LRRC43: variants seen among roughly 807,000 people sequenced by gnomAD.
The protein encoded by LRRC43 is leucine-rich repeat-containing protein 43.
In LRRC43, 62 loss-of-function variants were observed where a neutral mutation model predicts 64.3. The ratio of observed to expected loss-of-function variants is 0.96; its 90% confidence interval spans 0.79 to 1.19. LRRC43 has a LOEUF of 1.19. LRRC43 is among the 50% of genes most tolerant of loss of function. LRRC43 has a pLI of 0.00. For missense variants in LRRC43, 868 were observed against 845.0 expected (o/e 1.03, Z -0.34); for synonymous variants, 422 against 382.3 (o/e 1.10, Z -1.21).
At position 122,184,749 on chromosome 12, in the gene LRRC43, C is replaced by T. The variant is rs1468702677; in HGVS notation, c.381C>T (p.Tyr127=). The T allele has an allele frequency of 2.5e-6, 4 of 1,609,750 alleles. No individual in the cohort carries two copies. The highest frequency in any genetic ancestry group is 3.4e-6 in the Non-Finnish European group (4 of 1,178,048). ...TCACAGACACCTTCTTCTACTCCTA[C>T]TTCCGGTCCCTGCGGGTAATAGACA... ...LTITDTFFYS[Y]FRSLRVIDKK... is the part of the protein sequence containing the mutation. The change falls in exon 2 of 12, where the codon TAC becomes TAT. Residue 127 remains tyrosine, a synonymous_variant. Coordinates refer to ENST00000339777, the MANE Select transcript of LRRC43 (RefSeq NM_001098519.2). The surrounding 1 kb of genome is among the most constrained non-coding windows in gnomAD (Gnocchi z 4.0).
intron 4 of LRRC43, among the ~76,000 whole-genome samples, chr12:122,189,900 G>C (rs977219967): frequency 6.6e-6 from 1 of 152,250 alleles, no homozygotes; most frequent in Admixed American, 6.5e-5. Flanking sequence ...GTCGGTGGGG[G>C]CGTCTCTGTG....
At chr12:122,179,857 G>A (rs1953567023), upstream of LRRC43, among the ~76,000 whole-genome samples, 1 of 151,684 alleles carries the variant, frequency 6.6e-6, no homozygotes, top group South Asian at 2.1e-4. Context: ...TGTAGTCCCA[G>A]CTACTCAGGA....
At chr12:122,182,369 C>G (rs1953589084), upstream of LRRC43, among the ~76,000 whole-genome samples, 1 of 151,970 alleles carries the variant, frequency 6.6e-6, no homozygotes, top group Non-Finnish European at 1.5e-5. Context: ...ACTAAAAATA[C>G]ACATTAGCGG....
At chr12:122,181,051 A>G (rs1037157570), upstream of LRRC43, among the ~76,000 whole-genome samples, 8 of 151,336 alleles carry the variant, frequency 5.3e-5, no homozygotes, top group Non-Finnish European at 7.4e-5. Flanking sequence ...CCCCATCTGT[A>G]CTAAAAATAC....
In LRRC43 at chr12:122,200,312, G is replaced by A. The variant is rs77299939; in HGVS notation, c.1473G>A (p.Val491=). 9,230 of 1,611,126 alleles carry A rather than the reference G, an allele frequency of 5.7e-3. 215 individuals are homozygous for A. The highest frequency in any genetic ancestry group is 0.051 in the East Asian group (2,291 of 44,864). ...CCTTCCTGCTGGCGGGGACCACCGTGACCATCGTGGAGGAGAAGGTGGGCA... is the reference window on the plus strand; with the variant it reads ...CCTTCCTGCTGGCGGGGACCACCGTAACCATCGTGGAGGAGAAGGTGGGCA... ...LKAFLLAGTT[V]TIVEEKILSW... Residue 491 remains valine, a synonymous_variant, in exon 8 of 12, where the codon GTG becomes GTA. Coordinates refer to ENST00000339777, the MANE Select transcript of LRRC43 (RefSeq NM_001098519.2). The surrounding 1 kb of genome is among the most constrained non-coding windows in gnomAD (Gnocchi z 4.6).
Position 122,169,782 on chromosome 12 carries a change from A to T in LRRC43, c.-406+2000A>T, listed in dbSNP as rs1048908704. On this transcript the variant is annotated intron_variant, in intron 1 of 5. Coordinates refer to the LRRC43 transcript ENST00000537729. ...TTTGAACCTTTTCCCTAATTTATTTATCTTGTCAACCATTTATTTTGTTGT... is the reference window on the plus strand; with the variant it reads ...TTTGAACCTTTTCCCTAATTTATTTTTCTTGTCAACCATTTATTTTGTTGT... 6.1e-5 allele frequency among the ~76,000 whole-genome samples: 9 copies of T among 147,798 alleles called. No individual in the cohort carries two copies. In the East Asian group the frequency reaches 1.6e-3, roughly 26 times the overall value.
intron 1 of LRRC43, chr12:122,173,784 G>A: frequency 2.7e-6 from 4 of 1,476,834 alleles, no homozygotes; most frequent in Non-Finnish European, 3.8e-6. Flanking sequence ...AGCCTCTTTG[G>A]AGGGCAATGG....
chr12:122,181,681 C>T (rs1953583053), upstream of LRRC43, among the ~76,000 whole-genome samples: 1 of 148,808 alleles, frequency 6.7e-6, no homozygotes, highest in Admixed American at 6.7e-5. Flanking sequence ...TCTCGGCTCA[C>T]TGCAACCTCC....
Position 122,187,718 on chromosome 12 carries a change from C to T in LRRC43, c.540C>T (p.Gly180=). 1.2e-6 allele frequency: 2 copies of T among 1,613,752 alleles called. No individual in the cohort carries two copies. The highest frequency in any genetic ancestry group is 1.7e-6 in the Non-Finnish European group (2 of 1,180,016). Reference sequence around the variant, plus strand: ...TCTCCCAGGTGCTGGAGCTCTACGGCAATGAGATCAGCAGCATGGAGTGTC... The same window carrying T: ...TCTCCCAGGTGCTGGAGCTCTACGGTAATGAGATCAGCAGCATGGAGTGTC... The part of the protein sequence containing the change: ...PPTLKVLELY[G]NEISSMECLC... Residue 180 remains glycine (G), a synonymous_variant, in exon 4 of 12, where the codon GGC becomes GGT. Coordinates refer to ENST00000339777, the MANE Select transcript of LRRC43 (RefSeq NM_001098519.2).
At chr12:122,182,332 T>C (rs941872848), upstream of LRRC43, among the ~76,000 whole-genome samples, 1 of 152,120 alleles carries the variant, frequency 6.6e-6, no homozygotes. Flanking sequence ...GAGACCAGCC[T>C]GGCCAACATG....
At chr12:122,203,228 G>T in intron 11 of LRRC43, 87 bp from the exon 12 acceptor site, 1 of 1,489,360 alleles carries the variant, frequency 6.7e-7, no homozygotes, top group Non-Finnish European at 9.1e-7. Context: ...ACAGGGTCCA[G>T]GGCTTGCATA....
At chr12:122,201,030 A>G in intron 10 of LRRC43, 96 bp downstream of exon 10, 1 of 1,425,152 alleles carries the variant, frequency 7.0e-7, no homozygotes, top group Non-Finnish European at 9.5e-7. Context: ...AGGTCACGGG[A>G]TGGGGAGGAG....
chr12:122,184,752 C>A lies in LRRC43; in HGVS notation c.384C>A (p.Phe128Leu). 1 of 1,608,958 alleles carries A rather than the reference C, an allele frequency of 6.2e-7. No individual in the cohort carries two copies. The highest frequency in any genetic ancestry group is 8.5e-7 in the Non-Finnish European group (1 of 1,177,666). ...CAGACACCTTCTTCTACTCCTACTT[C>A]CGGTCCCTGCGGGTAATAGACAAGA... Reference protein sequence around the residue: ...TITDTFFYSYFRSLRVIDKKV... With the variant: ...TITDTFFYSYLRSLRVIDKKV... Residue 128 changes from phenylalanine to leucine, a missense_variant, in exon 2 of 12, where the codon TTC becomes TTA. Transcript: ENST00000339777. The surrounding 1 kb of genome is among the most constrained non-coding windows in gnomAD (Gnocchi z 4.0).
chr12:122,180,383 G>A (rs1458531564), upstream of LRRC43, among the ~76,000 whole-genome samples: 1 of 152,090 alleles, frequency 6.6e-6, no homozygotes, highest in Non-Finnish European at 1.5e-5. Context: ...GCTGGGCATG[G>A]TGGCGGGAGC....
In LRRC43 at chr12:122,200,666, G is replaced by C. The variant is rs754351463; in HGVS notation, c.1620+6G>C. On this transcript the variant is annotated splice_donor_region_variant and intron_variant, in intron 9 of 11. Coordinates refer to ENST00000339777, the MANE Select transcript of LRRC43 (RefSeq NM_001098519.2). This position sits in a 1 kb window ranked among gnomAD's most constrained non-coding sequence, Gnocchi z 4.6. ...GAGAGAAAGAGCCGGCCAAGGTACC[G>C]GGCCTTGGTGCTGGGGAGGGCAGCC... is the stretch of plus-strand genomic sequence containing the variant. The C allele has an allele frequency of 6.2e-7, 1 of 1,613,726 alleles. No individual in the cohort carries two copies. Among genetic ancestry groups the C allele is most frequent in the Non-Finnish European group, 8.5e-7 (1 of 1,179,904 alleles).
intron 10 of LRRC43, 37 bp from the exon 11 acceptor site, chr12:122,201,259 T>A (rs1170093532): frequency 6.2e-7 from 1 of 1,611,812 alleles, no homozygotes; most frequent in South Asian, 1.1e-5. Flanking sequence ...ACCTCCCCTC[T>A]CCAGTAAGCA....
At chr12:122,194,131 G>C (rs1472746853) in intron 7 of LRRC43, among the ~76,000 whole-genome samples, 1 of 151,802 alleles carries the variant, frequency 6.6e-6, no homozygotes, top group Non-Finnish European at 1.5e-5. Flanking sequence ...ATATGTTACA[G>C]ACCCAACAAT....
chr12:122,193,073 G>A, intron 7 of LRRC43, 69 bp downstream of exon 7: 2 of 1,521,282 alleles, frequency 1.3e-6, no homozygotes, highest in East Asian at 4.7e-5. Context: ...ACCACACTGC[G>A]ACCTTCCATT....
In LRRC43 at chr12:122,189,078, C is replaced by G. The variant is rs577009770; in HGVS notation, c.663-1052C>G. Among the ~76,000 whole-genome samples the G allele has an allele frequency of 7.9e-5, 12 of 152,270 alleles. 1 individual carries two copies. In the South Asian group the frequency reaches 2.5e-3, roughly 32 times the overall value. ...GGTTCAGCTCCCAGTTGATATTCAA[C>G]TTGATCTCCTCAGTGGGTGAGCGGT... On this transcript the variant is annotated intron_variant, in intron 4 of 11. Transcript: ENST00000339777.
Sources: gnomAD v4.1 joint callset for allele counts (sites outside exome capture counted in the v4.1 genomes callset) on GRCh38, gnomAD v4.1.1 for gene constraint, Gnocchi (gnomAD v3.1) non-coding constraint, MANE v1.5 for transcripts, NCBI Gene and HGNC (gene_info 2026-07-23, HGNC 2026-07-21) for gene names.